The following PKHD1 variants were observed in gnomAD, a reference collection of about 807,000 sequenced individuals.
PKHD1 encodes the protein fibrocystin.
Under a neutral mutation model 412.0 loss-of-function variants are expected in PKHD1, and 291 were observed. That is an observed-to-expected ratio of 0.71 (90% confidence interval 0.64 to 0.78). PKHD1 has a LOEUF of 0.78. Among genes scored for constraint, PKHD1 ranks in the 30% least tolerant of loss-of-function variants. The pLI, the probability that PKHD1 is intolerant of heterozygous loss-of-function variation, is 0.00. For missense variants in PKHD1, 4,825 were observed against 4,950.7 expected (o/e 0.97, Z 0.76); for synonymous variants, 1,777 against 1,821.5 (o/e 0.98, Z 0.62).
intron 37 of PKHD1, among the ~76,000 whole-genome samples, chr6:51,915,320 C>A (rs1363800044): frequency 2.0e-5 from 3 of 152,038 alleles, no homozygotes; most frequent in Admixed American, 1.3e-4. Context: ...GTAGGCAAAC[C>A]CTGTATATAA....
rs1278475755 is a variant in PKHD1, at chr6:51,847,864, C to T, written c.8018G>A (p.Gly2673Asp). The T allele has an allele frequency of 1.2e-6, 2 of 1,613,736 alleles. No homozygotes were observed. The highest frequency in any genetic ancestry group is 1.7e-6 in the Non-Finnish European group (2 of 1,179,742). ...DILLRCGSRVGLSFPFLPSPG... is the reference protein window; with the variant it reads ...DILLRCGSRVDLSFPFLPSPG... ...TGATGGAAGAAATGGAAAAGACAGA[C>T]CCACTCGACTCCCACATCTTAGGAG... Residue 2673 changes from glycine to aspartate, a missense_variant, in exon 50 of 67, where the codon GGT becomes GAT. Coordinates refer to ENST00000371117, the MANE Select transcript of PKHD1 (RefSeq NM_138694.4).
chr6:51,971,130 C>T (rs892109146), intron 35 of PKHD1, among the ~76,000 whole-genome samples: 1 of 152,218 alleles, frequency 6.6e-6, no homozygotes, highest in South Asian at 2.1e-4. Context: ...AGATCTTTCA[C>T]CTCCTTGGTT....
chr6:52,028,978 G>GTTGC (rs780325629), intron 29 of PKHD1, among the ~76,000 whole-genome samples: 27 of 152,180 alleles, frequency 1.8e-4, no homozygotes, highest in Non-Finnish European at 2.1e-4. Flanking sequence ...CCACATATTG[G>GTTGC]TTGCTTAACC....
At chr6:51,984,821 T>G (rs1329589505) in intron 35 of PKHD1, among the ~76,000 whole-genome samples, 2 of 152,194 alleles carry the variant, frequency 1.3e-5, no homozygotes, top group African/African-American at 4.8e-5. Flanking sequence ...GAACTAGAAA[T>G]AACATAATTT....
At chr6:51,793,027 C>A (rs1232865974) in intron 52 of PKHD1, among the ~76,000 whole-genome samples, 1 of 152,142 alleles carries the variant, frequency 6.6e-6, no homozygotes, top group Non-Finnish European at 1.5e-5. Flanking sequence ...CTTTTTAAAT[C>A]CCTAGTGTTT....
intron 61 of PKHD1, among the ~76,000 whole-genome samples, chr6:51,651,872 TCA>T (rs760922821): frequency 2.5e-4 from 38 of 152,036 alleles, no homozygotes; most frequent in Middle Eastern, 3.4e-3. Context: ...ACGACGGGAG[TCA>T]CCTGATGCCT....
At chr6:52,050,998 T>C (rs1037971812) in intron 21 of PKHD1, among the ~76,000 whole-genome samples, 16 of 152,218 alleles carry the variant, frequency 1.1e-4, no homozygotes, top group African/African-American at 3.6e-4. Flanking sequence ...TTCCCCAAGA[T>C]TGGTTACAAT....
At chr6:51,985,436 AAAAG>A (rs1306614108) in intron 35 of PKHD1, among the ~76,000 whole-genome samples, 1 of 152,208 alleles carries the variant, frequency 6.6e-6, no homozygotes, top group Non-Finnish European at 1.5e-5. Flanking sequence ...AATGTTATAA[AAAAG>A]AAAGCAGGCC....
rs537597954 is a variant in PKHD1 at position 51,732,699 on chromosome 6, G to A, written c.10156+11686C>T. 1.6e-4 allele frequency among the ~76,000 whole-genome samples: 25 copies of A among 152,238 alleles called. No homozygotes were observed. The South Asian group carries it at 5.2e-3, about 32-fold the overall frequency. Reference sequence around the variant, plus strand: ...TGTACTGTTGGTGGGAATGTAAAATGGTACAGTTATTGTGGGAAACAACAT... The same window carrying A: ...TGTACTGTTGGTGGGAATGTAAAATAGTACAGTTATTGTGGGAAACAACAT... On this transcript the variant is annotated intron_variant, in intron 60 of 66. Transcript: ENST00000371117.
At chr6:52,041,635 G>T (rs557398908) in intron 27 of PKHD1, among the ~76,000 whole-genome samples, 3 of 152,036 alleles carry the variant, frequency 2.0e-5, no homozygotes, top group Admixed American at 1.3e-4. Context: ...ATTTCTACCC[G>T]CTTGGCATAT....
intron 60 of PKHD1, chr6:51,721,797 T>C: frequency 6.9e-7 from 1 of 1,457,812 alleles, no homozygotes; most frequent in Non-Finnish European, 9.0e-7. Flanking sequence ...TTCTTTGATC[T>C]GTACCATCCT....
At chr6:51,770,179 T>C (rs1362675176) in intron 55 of PKHD1, among the ~76,000 whole-genome samples, 1 of 151,798 alleles carries the variant, frequency 6.6e-6, no homozygotes, top group East Asian at 1.9e-4. Flanking sequence ...TCTTAGATCG[T>C]GATTTTTGTT....
chr6:51,870,987 C>T (rs572483024), intron 46 of PKHD1, among the ~76,000 whole-genome samples: 1 of 152,020 alleles, frequency 6.6e-6, no homozygotes, highest in South Asian at 2.1e-4. Flanking sequence ...CTAAAATATA[C>T]TATGCACCTA....
At chr6:51,738,907 C>T (rs887356864) in intron 60 of PKHD1, among the ~76,000 whole-genome samples, 1 of 151,936 alleles carries the variant, frequency 6.6e-6, no homozygotes, top group African/African-American at 2.4e-5. Flanking sequence ...AATAGCAATT[C>T]GCCTGCACAC....
At chr6:51,709,139 G>GT (rs1307910767) in intron 60 of PKHD1, among the ~76,000 whole-genome samples, 1 of 152,190 alleles carries the variant, frequency 6.6e-6, no homozygotes, top group Non-Finnish European at 1.5e-5. Flanking sequence ...ATTACAATCA[G>GT]TTTTTTAATG....
At chr6:52,081,897 A>G (rs1562303760) in intron 4 of PKHD1, among the ~76,000 whole-genome samples, 2 of 152,184 alleles carry the variant, frequency 1.3e-5, no homozygotes. Context: ...AACTAGTCTA[A>G]ATTTCACAGG....
rs537194082 is a variant in PKHD1 at position 52,011,250 on chromosome 6, G to A, written c.5601-791C>T. Among the ~76,000 whole-genome samples, 31 of 152,290 alleles carry A rather than the reference G, an allele frequency of 2.0e-4. No individual in the cohort carries two copies. The South Asian group carries it at 6.4e-3, about 32-fold the overall frequency. ...GGTGAGGACATGGATAGTGAAGGGT[G>A]TCATCCTCAACAGGTGTGATATTTA... On this transcript the variant is annotated intron_variant, in intron 34 of 66. Transcript: ENST00000371117.
chr6:51,848,324 T>A (rs1424317915), intron 49 of PKHD1, among the ~76,000 whole-genome samples: 1 of 152,184 alleles, frequency 6.6e-6, no homozygotes, highest in Non-Finnish European at 1.5e-5. Context: ...AGGTCTAGAA[T>A]TCCTTTCCAG....
chr6:51,894,133 T>G (rs1779528072), intron 43 of PKHD1, among the ~76,000 whole-genome samples: 1 of 152,158 alleles, frequency 6.6e-6, no homozygotes, highest in South Asian at 2.1e-4. Context: ...AAGGAGCTCC[T>G]GTCAAAGAAG....
Sources: allele counts gnomAD v4.1 joint callset (sites outside exome capture counted in the v4.1 genomes callset), GRCh38; gene constraint gnomAD v4.1.1; transcripts MANE v1.5; gene names NCBI Gene and HGNC (gene_info 2026-07-23, HGNC 2026-07-21).